SLC27A5: variants seen among roughly 807,000 people sequenced by gnomAD.
The protein encoded by SLC27A5 is solute carrier family 27 member 5.
SLC27A5 carries 47 observed loss-of-function variants against 63.1 expected under a neutral mutation model. That is an observed-to-expected ratio of 0.74 (90% confidence interval 0.59 to 0.95). The LOEUF (loss-of-function observed/expected upper bound fraction) is 0.95. SLC27A5 is among the 40% of genes least tolerant of loss of function. SLC27A5 has a pLI of 0.00. For missense variants in SLC27A5, 940 were observed against 921.0 expected (o/e 1.02, Z -0.27); for synonymous variants, 391 against 403.8 (o/e 0.97, Z 0.38).
Position 58,500,935 on chromosome 19 carries a change from G to A in SLC27A5, c.1183-229C>T, listed in dbSNP as rs115810302. ...GACCTCAGAGCTTTGCCTGGGGGAC[G>A]TTACCAGAGGTGACTGGAGGCCTCA... On this transcript the variant is annotated intron_variant, in intron 4 of 9. Coordinates refer to ENST00000263093, the MANE Select transcript of SLC27A5 (RefSeq NM_012254.3). The A allele has an allele frequency of 2.7e-3, 3,773 of 1,377,388 alleles. 85 individuals carry two copies. The African/African-American group carries it at 0.049, about 18-fold the overall frequency. 85.3% of individuals were successfully genotyped at this position (1,377,388 alleles called of 1,614,324 possible). A position where few individuals can be genotyped will look rare whatever the true frequency, so the allele number is the denominator to read the frequency against.
In SLC27A5 at chr19:58,511,898, G is replaced by C; in HGVS notation, c.58C>G (p.Leu20Val). 6.5e-7 allele frequency: 1 copy of C among 1,549,336 alleles called. No homozygotes were observed. The highest frequency in any genetic ancestry group is 8.7e-7 in the Non-Finnish European group (1 of 1,147,028). ...GCGACTGGCCACACTGGCTGCCCCA[G>C]GCCCCAGAGCAGGAGCAGCAGCAGC... ...LLLLLLLLWG[L>V]GQPVWPVAVA... The change falls in exon 1 of 10, where the codon CTG becomes GTG. Residue 20 changes from leucine to valine, a missense_variant. Transcript: ENST00000263093.
Position 58,510,807 on chromosome 19 carries a change from G to A in SLC27A5, c.812C>T (p.Ala271Val), listed in dbSNP as rs528258407. 9.5e-5 allele frequency: 153 copies of A among 1,613,464 alleles called. 3 individuals are homozygous for A. In the South Asian group the frequency reaches 1.4e-3, roughly 15 times the overall value. ...GTCAGCAGGCACTGGGTGGGAGGGC[G>A]CTGCATCCAGGGCAGCCCCCAGAGC... ...VGALGAALDA[A>V]PSHPVPADLR... The change falls in exon 2 of 10, where the codon GCG (alanine) becomes GTG (valine). Residue 271 changes from alanine (A) to valine (V), a missense_variant. Ala to Val is a moderately conservative substitution (Grantham distance 64). Coordinates refer to ENST00000263093, the MANE Select transcript of SLC27A5 (RefSeq NM_012254.3).
Position 58,499,649 on chromosome 19 carries a change from G to A in SLC27A5, c.1510C>T (p.Pro504Ser). 6.2e-7 allele frequency: 1 copy of A among 1,612,566 alleles called. No homozygotes were observed. The highest frequency in any genetic ancestry group is 8.5e-7 in the Non-Finnish European group (1 of 1,180,024). Residue 504 changes from proline (P) to serine (S), a missense_variant, in exon 7 of 10, where the codon CCC becomes TCC. By Grantham distance (74) the Pro-to-Ser change is moderately conservative. Coordinates refer to ENST00000263093, the MANE Select transcript of SLC27A5 (RefSeq NM_012254.3). ...CGGGGGCCGCGGTAGCCCACGAAGG[G>A]TTGCTGGCTTACCACCTTGGTCAGC... ...LLLTKVVSQQ[P>S]FVGYRGPREL...
intron 2 of SLC27A5, 199 bp downstream of exon 2, chr19:58,510,522 C>T (rs866312648): frequency 4.9e-5 from 25 of 512,630 alleles, no homozygotes; most frequent in Middle Eastern, 1.0e-3. Context: ...TGCAGTGAGC[C>T]GAGATTGCAC....
chr19:58,503,335 G>T (rs974684773), intron 3 of SLC27A5, among the ~76,000 whole-genome samples: 5 of 151,956 alleles, frequency 3.3e-5, no homozygotes, highest in African/African-American at 1.2e-4. Context: ...ATGTTTGTAT[G>T]GTTGTATTGA....
intron 4 of SLC27A5, chr19:58,500,968 T>C (rs1181869897): frequency 7.4e-7 from 1 of 1,347,480 alleles, no homozygotes; most frequent in Non-Finnish European, 9.5e-7. Flanking sequence ...TCATCTGGGG[T>C]CTCACCTAAG....
intron 4 of SLC27A5, chr19:58,501,026 TTA>T: frequency 8.2e-7 from 1 of 1,218,278 alleles, no homozygotes; most frequent in Non-Finnish European, 1.0e-6. Context: ...TTTTAATTAA[TTA>T]ATTTTTAATG....
At chr19:58,506,300 C>T (rs1324542127) in intron 3 of SLC27A5, among the ~76,000 whole-genome samples, 2 of 151,792 alleles carry the variant, frequency 1.3e-5, no homozygotes, top group South Asian at 2.1e-4. Context: ...TTTGGGAGGC[C>T]GAGGTAGGTG....
chr19:58,501,002 TA>T (rs1600029378), intron 4 of SLC27A5: 1 of 1,248,404 alleles, frequency 8.0e-7, no homozygotes, highest in Non-Finnish European at 1.0e-6. Flanking sequence ...AACTTTAATT[TA>T]ATGGAAATTT....
intron 3 of SLC27A5, among the ~76,000 whole-genome samples, chr19:58,504,615 C>G (rs1269998221): frequency 6.9e-6 from 1 of 144,108 alleles, no homozygotes; most frequent in East Asian, 2.0e-4. Flanking sequence ...TTGCGGTGAC[C>G]CAAGATGGTG....
At chr19:58,503,928 C>T (rs1348831378) in intron 3 of SLC27A5, among the ~76,000 whole-genome samples, 1 of 152,160 alleles carries the variant, frequency 6.6e-6, no homozygotes, top group African/African-American at 2.4e-5. Context: ...GACTGGCCAA[C>T]AGGGCGAAAC....
intron 3 of SLC27A5, chr19:58,507,924 G>C (rs1034025033): frequency 6.6e-6 from 1 of 152,064 alleles, no homozygotes; most frequent in African/African-American, 2.4e-5. Flanking sequence ...CTTGAACCCT[G>C]TTTTCTGTTG....
rs1318685742 is a variant in SLC27A5, at chr19:58,509,990, G to C, written c.914C>G (p.Ala305Gly). 1 of 1,613,550 alleles carries C rather than the reference G, an allele frequency of 6.2e-7. No individual in the cohort carries two copies. The highest frequency in any genetic ancestry group is 1.7e-5 in the Admixed American group (1 of 59,950). Residue 305 changes from alanine (A) to glycine (G), a missense_variant, in exon 3 of 10, where the codon GCC (alanine) becomes GGC (glycine). Coordinates refer to ENST00000263093, the MANE Select transcript of SLC27A5 (RefSeq NM_012254.3). ...CAGTACCCGCTCATGCGTGAGGATG[G>C]CTGGCTTCGGGAGGCCTTGGGATGA... Reference protein sequence around the residue: ...TSGTTGLPKPAILTHERVLQM... With the variant: ...TSGTTGLPKPGILTHERVLQM...
At position 58,498,627 on chromosome 19, in the gene SLC27A5, T is replaced by A; in HGVS notation, c.1961A>T (p.Asn654Ile). The stretch of plus-strand genomic sequence containing the variant: ...CAGAGGGTCAACCACGATCCCCACA[T>A]TGAAGCCCTCACGCACCAACCGGGT... Reference protein sequence around the residue: ...MKTRLVREGFNVGIVVDPLFV... With the variant: ...MKTRLVREGFIVGIVVDPLFV... The change falls in exon 10 of 10, where the codon AAT becomes ATT. Residue 654 changes from asparagine (N) to isoleucine (I), a missense_variant. By Grantham distance (149) the Asn-to-Ile change is moderately radical. Transcript: ENST00000263093. 1.2e-6 allele frequency: 2 copies of A among 1,614,116 alleles called. No individual in the cohort carries two copies. The highest frequency in any genetic ancestry group is 1.6e-4 in the Middle Eastern group (1 of 6,062).
chr19:58,511,406 C>A lies in SLC27A5; in HGVS notation c.550G>T (p.Ala184Ser), dbSNP rs200382683. 9.3e-6 allele frequency: 15 copies of A among 1,607,684 alleles called. No homozygotes were observed. The East Asian group carries it at 3.1e-4, about 34-fold the overall frequency. Reference protein sequence around the residue: ...PTALLVLASQAVPALCMWLGL... With the variant: ...PTALLVLASQSVPALCMWLGL... ...AGCCACATACACAGGGCTGGAACGG[C>A]CTGGGAAGCCAGCACAAGGAGGGCA... The change falls in exon 1 of 10, where the codon GCC becomes TCC. Residue 184 changes from alanine to serine, a missense_variant. Coordinates refer to ENST00000263093, the MANE Select transcript of SLC27A5 (RefSeq NM_012254.3).
intron 7 of SLC27A5, 41 bp downstream of exon 7, chr19:58,499,451 G>A (rs753651832): frequency 1.2e-4 from 188 of 1,600,850 alleles, no homozygotes; most frequent in Non-Finnish European, 6.8e-6. Flanking sequence ...AAGCGTCCGT[G>A]GCCCCGCGCC....
Position 58,500,391 on chromosome 19 carries a change from C to T in SLC27A5, c.1416G>A (p.Glu472=). ...GATTGTCCCTCACAGGCTCCGCCGC[C>T]TCCATGTCGAACTGCACCAGCTCAA... ...SPFELVQFDM[E]AAEPVRDNQG... is the part of the protein sequence containing the mutation. The change falls in exon 6 of 10, where the codon GAG becomes GAA. Residue 472 remains glutamate, a synonymous_variant. Coordinates refer to ENST00000263093, the MANE Select transcript of SLC27A5 (RefSeq NM_012254.3). 1 of 1,613,838 alleles carries T rather than the reference C, an allele frequency of 6.2e-7. No homozygotes were observed. Among genetic ancestry groups the T allele is most frequent in the South Asian group, 1.1e-5 (1 of 91,078 alleles).
chr19:58,508,806 C>T (rs998824028), intron 3 of SLC27A5: 18 of 152,094 alleles, frequency 1.2e-4, no homozygotes, highest in African/African-American at 4.1e-4. Flanking sequence ...TGGTGGGTCA[C>T]ACCTGTAATC....
Position 58,499,673 on chromosome 19 carries a change from G to A in SLC27A5, c.1486C>T (p.Leu496=). The A allele has an allele frequency of 6.2e-7, 1 of 1,611,892 alleles. No homozygotes were observed. Among genetic ancestry groups the A allele is most frequent in the Non-Finnish European group, 8.5e-7 (1 of 1,179,988 alleles). Residue 496 remains leucine, a synonymous_variant, in exon 7 of 10, where the codon CTG becomes TTG. Coordinates refer to ENST00000263093, the MANE Select transcript of SLC27A5 (RefSeq NM_012254.3). ...PVGLGEPGLL[L]TKVVSQQPFV... ...GGTTGCTGGCTTACCACCTTGGTCA[G>A]CAGCAGCCCCGGCTCCCCTGGGGTA... is the stretch of plus-strand genomic sequence containing the variant.
Sources: gnomAD v4.1 joint callset for allele counts (sites outside exome capture counted in the v4.1 genomes callset) on GRCh38, gnomAD v4.1.1 for gene constraint, MANE v1.5 for transcripts, NCBI Gene and HGNC (gene_info 2026-07-23, HGNC 2026-07-21) for gene names.